The following NPFFR2 variants were observed in gnomAD, a reference collection of about 807,000 sequenced individuals.
NPFFR2 encodes G-protein coupled receptor 74.
In NPFFR2, 15 loss-of-function variants were observed where a neutral mutation model predicts 13.1. The ratio of observed to expected loss-of-function variants is 1.15; its 90% CI spans 0.77 to 1.76. The LOEUF is 1.76. Ranked by LOEUF, NPFFR2 falls within the 40% of genes most tolerant of loss-of-function variation. The probability of loss-of-function intolerance (pLI) is 0.00; values close to 1 mark genes in which losing one functional copy is unlikely to be tolerated. For missense variants in NPFFR2, 572 were observed against 503.5 expected, an observed-to-expected ratio of 1.14 and a Z score of -1.30; for synonymous variants, 190 against 175.7, an observed-to-expected ratio of 1.08 and a Z score of -0.65.
At chr4:72,079,746 C>G (rs1185285050) in intron 1 of NPFFR2, among the ~76,000 whole-genome samples, 1 of 152,110 alleles carries the variant, frequency 6.6e-6, no homozygotes. Context: ...ATCAAAACAT[C>G]TCAAAACTCA....
At chr4:72,108,793 C>T (rs2109816982) in intron 1 of NPFFR2, among the ~76,000 whole-genome samples, 1 of 151,990 alleles carries the variant, frequency 6.6e-6, no homozygotes. Flanking sequence ...TGTTTATCTT[C>T]AATTGCACAT....
At chr4:72,070,542 C>CAT (rs1553889556) in intron 1 of NPFFR2, among the ~76,000 whole-genome samples, 2 of 12,842 alleles carry the variant, frequency 1.6e-4, no homozygotes, top group South Asian at 3.3e-3. Flanking sequence ...ATGGAAGTAT[C>CAT]GTGTGTGTGT....
chr4:72,098,386 C>T (rs1342947928), intron 1 of NPFFR2, among the ~76,000 whole-genome samples: 1 of 152,154 alleles, frequency 6.6e-6, no homozygotes, highest in Non-Finnish European at 1.5e-5. Flanking sequence ...ACCTGTGGCC[C>T]ATGGACTGCA....
chr4:72,074,877 A>G (rs1304674272), intron 1 of NPFFR2, among the ~76,000 whole-genome samples: 1 of 133,672 alleles, frequency 7.5e-6, no homozygotes, highest in Non-Finnish European at 1.6e-5. Flanking sequence ...TGGCTAAACT[A>G]ATGTCAGACA....
rs1053180381 is a variant in NPFFR2, at chr4:72,038,236, T to G, written c.-8+6036T>G. ...TTCTCCACACTACTAGTCCTCACAG[T>G]ATTGTCTGATTTGTGTCAAAGCCCA... is the stretch of plus-strand genomic sequence containing the variant. On this transcript the variant is annotated intron_variant, in intron 1 of 3. Transcript: ENST00000308744. Among the ~76,000 whole-genome samples, 4 of 152,332 alleles carry G rather than the reference T, an allele frequency of 2.6e-5. No individual in the cohort carries two copies. The East Asian group carries it at 5.8e-4, about 22-fold the overall frequency.
intron 1 of NPFFR2, among the ~76,000 whole-genome samples, chr4:72,050,514 A>C (rs1012198852): frequency 1.3e-5 from 2 of 151,986 alleles, no homozygotes; most frequent in Non-Finnish European, 1.5e-5. Context: ...TGCAGCAATA[A>C]AATACCAAAT....
At chr4:72,144,943 A>G (rs967506142) in intron 3 of NPFFR2, among the ~76,000 whole-genome samples, 2 of 152,178 alleles carry the variant, frequency 1.3e-5, no homozygotes, top group Non-Finnish European at 2.9e-5. Flanking sequence ...GCCAACCTCC[A>G]ATTTATTTTC....
At chr4:72,082,666 C>T (rs1720660986) in intron 1 of NPFFR2, among the ~76,000 whole-genome samples, 1 of 152,000 alleles carries the variant, frequency 6.6e-6, no homozygotes, top group Non-Finnish European at 1.5e-5. Flanking sequence ...GTGATGAGAA[C>T]ATTTAGAATC....
At chr4:72,091,572 A>G (rs1031027689) in intron 1 of NPFFR2, among the ~76,000 whole-genome samples, 1 of 152,070 alleles carries the variant, frequency 6.6e-6, no homozygotes, top group Non-Finnish European at 1.5e-5. Context: ...AGGGTTGTAC[A>G]TATCCAAGAA....
rs542700288 is a variant in NPFFR2, at chr4:72,097,986, T to C, written c.-7-30599T>C. Among the ~76,000 whole-genome samples, 30 of 152,122 alleles carry C rather than the reference T, an allele frequency of 2.0e-4. No individual in the cohort carries two copies. The South Asian group carries it at 6.2e-3, about 32-fold the overall frequency. ...CTTCCTACACCACAAATTTTTTCTC[T>C]ATCTTAATCCCATTATATACATATT... On this transcript the variant is annotated intron_variant, in intron 1 of 3. Transcript: ENST00000308744.
At chr4:72,084,383 G>T (rs1172361601) in intron 1 of NPFFR2, among the ~76,000 whole-genome samples, 1 of 152,148 alleles carries the variant, frequency 6.6e-6, no homozygotes, top group Non-Finnish European at 1.5e-5. Context: ...TGAAACTTTG[G>T]AAGGTGATGA....
rs1560419396 is a variant in NPFFR2 at position 72,127,355 on chromosome 4, C to CAA, written c.-7-1230_-7-1229insAA. On this transcript the variant is annotated intron_variant, in intron 1 of 3. Coordinates refer to ENST00000308744, the MANE Select transcript of NPFFR2 (RefSeq NM_004885.3). ...AAGTCATACAGATTCTAAATAATTTCTTTTCTTTTTTTTTTTTTTTTTTTT... is the reference window on the plus strand; with the variant it reads ...AAGTCATACAGATTCTAAATAATTTCAATTTTCTTTTTTTTTTTTTTTTTTTT... Among the ~76,000 whole-genome samples the CAA allele has an allele frequency of 1.3e-3, 117 of 91,196 alleles. 1 individual carries two copies. The highest frequency in any genetic ancestry group is 5.1e-3 in the African/African-American group (110 of 21,710). 59.8% of individuals were successfully genotyped at this position (91,196 alleles called of 152,430 possible).
At chr4:72,132,174 C>A (rs781355449) in intron 2 of NPFFR2, among the ~76,000 whole-genome samples, 5 of 151,768 alleles carry the variant, frequency 3.3e-5, no homozygotes, top group Non-Finnish European at 5.9e-5. Flanking sequence ...TCCCTCTACC[C>A]TCTGATAGGC....
At chr4:72,137,925 T>C in intron 2 of NPFFR2, 115 bp from the exon 3 acceptor site, 1 of 713,536 alleles carries the variant, frequency 1.4e-6, no homozygotes, top group East Asian at 2.7e-5. Flanking sequence ...GATTTTTCTC[T>C]GCCTATCATG....
At chr4:72,100,947 T>G (rs1426671362) in intron 1 of NPFFR2, among the ~76,000 whole-genome samples, 1 of 152,042 alleles carries the variant, frequency 6.6e-6, no homozygotes. Context: ...CTATGCATTT[T>G]CCATCATCAT....
chr4:72,087,697 G>A (rs1043384882), intron 1 of NPFFR2, among the ~76,000 whole-genome samples: 1 of 151,976 alleles, frequency 6.6e-6, no homozygotes, highest in Non-Finnish European at 1.5e-5. Flanking sequence ...AGATAAAGGA[G>A]AACTTTGCTG....
intron 1 of NPFFR2, among the ~76,000 whole-genome samples, chr4:72,060,802 A>G (rs544836197): frequency 1.3e-5 from 2 of 152,234 alleles, no homozygotes; most frequent in East Asian, 3.9e-4. Context: ...GTCCCCATTT[A>G]GTAGCTGCTG....
At chr4:72,077,311 AT>A (rs1161852065) in intron 1 of NPFFR2, among the ~76,000 whole-genome samples, 3 of 152,290 alleles carry the variant, frequency 2.0e-5, no homozygotes, top group Non-Finnish European at 2.9e-5. Context: ...ATAATATTTT[AT>A]GAAAGTACTA....
In NPFFR2 at chr4:72,100,564, A is replaced by ACT. The variant is rs1170956999; in HGVS notation, c.-7-28021_-7-28020insCT. Among the ~76,000 whole-genome samples, 290 of 144,760 alleles carry ACT rather than the reference A, an allele frequency of 2.0e-3. 4 individuals are homozygous for ACT. Among genetic ancestry groups the ACT allele is most frequent in the African/African-American group, 7.5e-3 (260 of 34,832 alleles). The allele number at this position is 144,760 out of a possible 152,430, so 95.0% of individuals were successfully genotyped here. ...TGGATATTCTTATACTACTACTACT[A>ACT]ATACTAGTACTATTATCAGTTTCTT... On this transcript the variant is annotated intron_variant, in intron 1 of 3. Coordinates refer to ENST00000308744, the MANE Select transcript of NPFFR2 (RefSeq NM_004885.3).
Sources: gnomAD v4.1 joint callset for allele counts (sites outside exome capture counted in the v4.1 genomes callset) on GRCh38, gnomAD v4.1.1 for gene constraint, MANE v1.5 for transcripts, NCBI Gene and HGNC (gene_info 2026-07-23, HGNC 2026-07-21) for gene names.